CCNF: variants seen among roughly 807,000 people sequenced by gnomAD.
CCNF encodes cyclin F.
In CCNF, 30 loss-of-function variants were observed where a neutral mutation model predicts 85.4. The ratio of observed to expected loss-of-function variants is 0.35; its 90% CI spans 0.26 to 0.48. The LOEUF is 0.48. Ranked by LOEUF, CCNF falls within the 20% of genes least tolerant of loss-of-function variation. The probability of loss-of-function intolerance (pLI) is 0.99; values close to 1 mark genes in which losing one functional copy is unlikely to be tolerated. For missense variants in CCNF, 919 were observed against 1,010.4 expected (o/e 0.91, Z 1.23); for synonymous variants, 439 against 425.1 (o/e 1.03, Z -0.40).
chr16:2,429,779 C>T (rs1294132433), intron 1 of CCNF, among the ~76,000 whole-genome samples: 2 of 141,350 alleles, frequency 1.4e-5, no homozygotes, highest in African/African-American at 3.1e-5. Context: ...GGCAGCGATC[C>T]GGCGATCGGG....
chr16:2,440,951 G>C (rs796189263), intron 8 of CCNF, among the ~76,000 whole-genome samples: 76 of 152,210 alleles, frequency 5.0e-4, no homozygotes, highest in African/African-American at 1.7e-3. Context: ...TAGCTGGATG[G>C]GCTGGGTGCA....
rs1421391206 is a variant in CCNF at position 2,442,894 on chromosome 16, TA to T, written c.778-754del. Among the ~76,000 whole-genome samples, 34 of 89,158 alleles carry T rather than the reference TA, an allele frequency of 3.8e-4. 1 individual carries two copies. The highest frequency in any genetic ancestry group is 8.1e-4 in the Admixed American group (4 of 4,956). 58.5% of individuals were successfully genotyped at this position (89,158 alleles called of 152,430 possible). A position where few individuals can be genotyped will look rare whatever the true frequency, so the allele number is the denominator to read the frequency against. On this transcript the variant is annotated intron_variant, in intron 8 of 16. Coordinates refer to ENST00000397066, the MANE Select transcript of CCNF (RefSeq NM_001761.3). Reference sequence around the variant, plus strand: ...TATATTATATTATAATTATATATTATATATTATATAATATATAAATATATAT... The same window carrying T: ...TATATTATATTATAATTATATATTATTATTATATAATATATAAATATATAT...
chr16:2,439,516 C>G (rs1330458729), intron 7 of CCNF, 59 bp downstream of exon 7: 1 of 1,283,328 alleles, frequency 7.8e-7, no homozygotes, highest in Non-Finnish European at 1.1e-6. Context: ...GTAGTTGATG[C>G]TGGTCCTTGG....
chr16:2,441,940 TATATATA>T (rs2065323623), intron 8 of CCNF, among the ~76,000 whole-genome samples: 1 of 25,986 alleles, frequency 3.8e-5, no homozygotes, highest in African/African-American at 1.4e-4. Context: ...TAGCAAATTA[TATATATA>T]TATATATATA....
chr16:2,449,239 GC>G (rs1567389168), intron 11 of CCNF, 42 bp from the exon 12 acceptor site: 4 of 1,603,836 alleles, frequency 2.5e-6, no homozygotes, highest in Non-Finnish European at 3.4e-6. Flanking sequence ...GCACCAAGGA[GC>G]CCCCGAGCGC....
intron 10 of CCNF, among the ~76,000 whole-genome samples, chr16:2,447,748 T>C (rs1248792071): frequency 6.6e-6 from 1 of 151,652 alleles, no homozygotes; most frequent in African/African-American, 2.4e-5. Flanking sequence ...AGGGAAACTC[T>C]GTCTCAAAAA....
intron 8 of CCNF, among the ~76,000 whole-genome samples, chr16:2,442,813 ATTCTATAATATATGTAATATTATATTC>A (rs2065337006): frequency 1.2e-5 from 1 of 83,464 alleles, no homozygotes; most frequent in African/African-American, 4.9e-5. Context: ...TATATAATAT[ATTCTATAATATATGTAATATTATATTC>A]TATTATATAT....
At chr16:2,437,762 G>T in intron 5 of CCNF, 1 of 367,670 alleles carries the variant, frequency 2.7e-6, no homozygotes, top group Non-Finnish European at 5.0e-6. Flanking sequence ...AGCCAGGGGT[G>T]GTGGTGCATA....
rs2065427041 is a variant in CCNF, at chr16:2,456,259, C to T, written c.1886-286C>T. On this transcript the variant is annotated intron_variant, in intron 16 of 16. Coordinates refer to ENST00000397066, the MANE Select transcript of CCNF (RefSeq NM_001761.3). This position sits in a 1 kb window ranked among gnomAD's most constrained non-coding sequence, Gnocchi z 4.5. The stretch of plus-strand genomic sequence containing the variant: ...CAGACTGCGGGGTCCTTGCCAGAAG[C>T]CCAGTTAGTGTGAGTCCTGTCAGTT... 2.6e-6 allele frequency: 1 copy of T among 383,482 alleles called. No individual in the cohort carries two copies. Among genetic ancestry groups the T allele is most frequent in the African/African-American group, 2.0e-5 (1 of 48,866 alleles). 23.8% of individuals were successfully genotyped at this position (383,482 alleles called of 1,614,324 possible).
At chr16:2,439,276 C>A in intron 6 of CCNF, 77 bp from the exon 7 acceptor site, 1 of 1,272,842 alleles carries the variant, frequency 7.9e-7, no homozygotes, top group Non-Finnish European at 1.1e-6. Context: ...CCAACCTGGG[C>A]GACGAGTGAA....
rs1050429821 is a variant in CCNF at position 2,452,829 on chromosome 16, C to A, written c.1488-381C>A. The A allele has an allele frequency of 1.2e-5, 3 of 247,146 alleles. No individual in the cohort carries two copies. The highest frequency in any genetic ancestry group is 1.0e-4 in the South Asian group (2 of 19,140). 15.3% of individuals were successfully genotyped at this position (247,146 alleles called of 1,614,324 possible). ...TTCTGTGTCTAGGTGATTTCCCTCG[C>A]GGTAACGTTTGCTGGGTTTGTCCAT... On this transcript the variant is annotated intron_variant, in intron 13 of 16. Coordinates refer to ENST00000397066, the MANE Select transcript of CCNF (RefSeq NM_001761.3). This position sits in a 1 kb window ranked among gnomAD's most constrained non-coding sequence, Gnocchi z 4.1.
At position 2,429,454 on chromosome 16, in the gene CCNF, C is replaced by T. The variant is rs966749522; in HGVS notation, c.-28C>T. 4 of 1,220,148 alleles carry T rather than the reference C, an allele frequency of 3.3e-6. No individual in the cohort carries two copies. Among genetic ancestry groups the T allele is most frequent in the East Asian group, 6.6e-5 (2 of 30,490 alleles). 75.6% of individuals were successfully genotyped at this position (1,220,148 alleles called of 1,614,324 possible). A position where few individuals can be genotyped will look rare whatever the true frequency, so the allele number is the denominator to read the frequency against. On this transcript the variant is annotated 5_prime_UTR_variant, in exon 1 of 17. Coordinates refer to ENST00000397066, the MANE Select transcript of CCNF (RefSeq NM_001761.3). Reference sequence around the variant, plus strand: ...GGGCGCGGGCGCGCTCTCAGGCGGGCTCCGGCGGCAGCGACGCGAGCGCGG... The same window carrying T: ...GGGCGCGGGCGCGCTCTCAGGCGGGTTCCGGCGGCAGCGACGCGAGCGCGG...
Position 2,456,658 on chromosome 16 carries a change from G to A in CCNF, c.1999G>A (p.Asp667Asn). ...TTGTCCAGAGGACAAGGGACCCCAGGACCCACAGGCACTGGCGCTGGACAC... is the reference window on the plus strand; with the variant it reads ...TTGTCCAGAGGACAAGGGACCCCAGAACCCACAGGCACTGGCGCTGGACAC... Reference protein sequence around the residue: ...EACPEDKGPQDPQALALDTQI... With the variant: ...EACPEDKGPQNPQALALDTQI... The change falls in exon 17 of 17, where the codon GAC (aspartate) becomes AAC (asparagine). Residue 667 changes from aspartate to asparagine, a missense_variant. Transcript: ENST00000397066. The surrounding 1 kb of genome is among the most constrained non-coding windows in gnomAD (Gnocchi z 4.5). 1.2e-6 allele frequency: 2 copies of A among 1,613,428 alleles called. No homozygotes were observed. The highest frequency in any genetic ancestry group is 8.5e-7 in the Non-Finnish European group (1 of 1,179,840).
At chr16:2,437,026 A>G (rs913474922) in intron 4 of CCNF, 103 bp from the exon 5 acceptor site, 5 of 963,982 alleles carry the variant, frequency 5.2e-6, no homozygotes, top group Admixed American at 2.5e-5. Context: ...GCTTTGCACT[A>G]TGGTGGGCTT....
At chr16:2,445,888 C>T (rs2065359899) in intron 10 of CCNF, among the ~76,000 whole-genome samples, 2 of 152,172 alleles carry the variant, frequency 1.3e-5, no homozygotes, top group East Asian at 1.9e-4. Context: ...CCACCATGCC[C>T]GACTAATTTT....
rs1323979501 is a variant in CCNF at position 2,457,123 on chromosome 16, G to A, written c.*103G>A. 2.0e-5 allele frequency: 16 copies of A among 793,380 alleles called. No homozygotes were observed. The highest frequency in any genetic ancestry group is 1.4e-4 in the South Asian group (7 of 48,944). 49.1% of individuals were successfully genotyped at this position (793,380 alleles called of 1,614,324 possible). The stretch of plus-strand genomic sequence containing the variant: ...CTGCATAGACCATGGAGGCCTTTGC[G>A]CAGAGAGCAGAGAGGATGACTTGCG... On this transcript the variant is annotated 3_prime_UTR_variant, in exon 17 of 17. Transcript: ENST00000397066.
chr16:2,439,531 G>A (rs1019012331), intron 7 of CCNF, 74 bp downstream of exon 7: 18 of 1,191,230 alleles, frequency 1.5e-5, no homozygotes, highest in East Asian at 2.5e-5. Flanking sequence ...CCTTGGATGC[G>A]TTTCTGTCCA....
At chr16:2,438,379 C>G (rs893600671) in intron 6 of CCNF, among the ~76,000 whole-genome samples, 10 of 152,182 alleles carry the variant, frequency 6.6e-5, no homozygotes, top group Non-Finnish European at 1.5e-4. Flanking sequence ...AGGCATCGAA[C>G]CTCGATGCTC....
chr16:2,454,503 C>T (rs2065413794), intron 15 of CCNF, among the ~76,000 whole-genome samples: 1 of 152,242 alleles, frequency 6.6e-6, no homozygotes, highest in African/African-American at 2.4e-5. Flanking sequence ...ACAGCCCCAT[C>T]AGTCTTCTGA....
Sources: gnomAD v4.1 joint callset for allele counts (sites outside exome capture counted in the v4.1 genomes callset) on GRCh38, gnomAD v4.1.1 for gene constraint, Gnocchi (gnomAD v3.1) non-coding constraint, MANE v1.5 for transcripts, NCBI Gene and HGNC (gene_info 2026-07-23, HGNC 2026-07-21) for gene names.